The following GALNT13 variants were observed in gnomAD, a reference collection of about 807,000 sequenced individuals.
GALNT13 encodes the protein UDP-GalNAc:polypeptide N-acetylgalactosaminyltransferase 13.
A neutral mutation model predicts 64.2 loss-of-function variants in GALNT13; 28 were observed. That is an observed-to-expected ratio of 0.44 (90% confidence interval 0.32 to 0.60). The LOEUF (loss-of-function observed/expected upper bound fraction) is 0.60. GALNT13 is among the 20% of genes least tolerant of loss of function. The pLI is 0.05. For synonymous variants in GALNT13, 214 were observed against 224.6 expected (o/e 0.95, Z 0.42); for missense variants, 577 against 669.8 (o/e 0.86, Z 1.53).
intron 3 of GALNT13, among the ~76,000 whole-genome samples, chr2:154,102,208 A>G (rs1487120668): frequency 6.6e-6 from 1 of 152,140 alleles, no homozygotes; most frequent in Non-Finnish European, 1.5e-5. Context: ...TTGATTTTCT[A>G]TCTCTCTATG....
the GALNT13 span, among the ~76,000 whole-genome samples, chr2:153,239,478 G>A: frequency 6.6e-6 from 1 of 152,054 alleles, no homozygotes; most frequent in African/African-American, 2.4e-5. Flanking sequence ...GTTTCAAATG[G>A]CTTTTATTGC....
intron 3 of GALNT13, among the ~76,000 whole-genome samples, chr2:153,991,109 C>G (rs1695129389): frequency 6.6e-6 from 1 of 152,164 alleles, no homozygotes; most frequent in East Asian, 1.9e-4. Context: ...TTTCACTCAG[C>G]AAAACCTTCT....
chr2:153,649,321 CA>C, the GALNT13 span, among the ~76,000 whole-genome samples: 1 of 152,090 alleles, frequency 6.6e-6, no homozygotes, highest in Non-Finnish European at 1.5e-5. Context: ...TCCCCTTTAT[CA>C]TTTTTTATTG....
At chr2:154,022,143 AG>A (rs1027432771) in intron 3 of GALNT13, among the ~76,000 whole-genome samples, 5 of 152,144 alleles carry the variant, frequency 3.3e-5, no homozygotes, top group African/African-American at 9.7e-5. Context: ...ATGTTCATCA[AG>A]GATATTGGTC....
At chr2:153,236,923 C>T in the GALNT13 span, among the ~76,000 whole-genome samples, 1 of 152,072 alleles carries the variant, frequency 6.6e-6, no homozygotes, top group Non-Finnish European at 1.5e-5. Context: ...ATTAACCATT[C>T]TAGGTGCCAT....
At chr2:153,776,698 A>G in the GALNT13 span, among the ~76,000 whole-genome samples, 1 of 152,172 alleles carries the variant, frequency 6.6e-6, no homozygotes, top group Non-Finnish European at 1.5e-5. Context: ...TTAAAAAAAG[A>G]CTGTCACCTT....
chr2:153,714,519 T>C, the GALNT13 span, among the ~76,000 whole-genome samples: 1 of 152,192 alleles, frequency 6.6e-6, no homozygotes, highest in African/African-American at 2.4e-5. Context: ...CTCACTATTC[T>C]AAATTAAATG....
chr2:153,086,473 T>G, the GALNT13 span, among the ~76,000 whole-genome samples: 1 of 149,138 alleles, frequency 6.7e-6, no homozygotes, highest in Admixed American at 6.6e-5. Context: ...ACTGTTCTCA[T>G]GGTGGTGAAT....
the GALNT13 span, among the ~76,000 whole-genome samples, chr2:153,345,710 T>TGTCCGTC: frequency 3.2e-5 from 3 of 94,526 alleles, no homozygotes; most frequent in Non-Finnish European, 7.3e-5. Flanking sequence ...TTTCTCTTTC[T>TGTCCGTC]CTCTTTCTGT....
chr2:153,849,329 C>T, the GALNT13 span, among the ~76,000 whole-genome samples: 2 of 152,024 alleles, frequency 1.3e-5, no homozygotes, highest in East Asian at 1.9e-4. Flanking sequence ...CCTAGTTTTC[C>T]CTTAGAGAAT....
chr2:154,103,258 T>G (rs1702440902), intron 3 of GALNT13, among the ~76,000 whole-genome samples: 4 of 152,196 alleles, frequency 2.6e-5, no homozygotes, highest in Admixed American at 2.6e-4. Context: ...AGTTCTTAAA[T>G]TATTTCTTCT....
At chr2:154,199,438 C>A (rs1687054303) in intron 4 of GALNT13, among the ~76,000 whole-genome samples, 1 of 152,042 alleles carries the variant, frequency 6.6e-6, no homozygotes, top group Non-Finnish European at 1.5e-5. Flanking sequence ...TGTATATAAT[C>A]AAACAGAGCA....
At chr2:153,412,036 C>G in the GALNT13 span, among the ~76,000 whole-genome samples, 1 of 152,160 alleles carries the variant, frequency 6.6e-6, no homozygotes, top group Non-Finnish European at 1.5e-5. Flanking sequence ...TGAGGCTGGC[C>G]TAGCCTCCCA....
intron 8 of GALNT13, among the ~76,000 whole-genome samples, chr2:154,275,539 A>ATTGAGG (rs1204357876): frequency 6.6e-6 from 1 of 152,162 alleles, no homozygotes; most frequent in Non-Finnish European, 1.5e-5. Context: ...GAAGTCAAGA[A>ATTGAGG]TTGAGGTTGG....
intron 8 of GALNT13, among the ~76,000 whole-genome samples, chr2:154,298,076 A>G (rs1324332963): frequency 3.3e-5 from 5 of 152,058 alleles, no homozygotes; most frequent in Non-Finnish European, 7.4e-5. Context: ...TGCAGGTCCT[A>G]TGTAAATTAA....
At chr2:153,839,021 T>C in the GALNT13 span, among the ~76,000 whole-genome samples, 1 of 151,978 alleles carries the variant, frequency 6.6e-6, no homozygotes, top group Non-Finnish European at 1.5e-5. Flanking sequence ...ATAAGTATTT[T>C]ATTCATTTTG....
At chr2:153,477,798 A>AC in the GALNT13 span, 1 of 164,122 alleles carries the variant, frequency 6.1e-6, no homozygotes, top group Non-Finnish European at 1.3e-5. Flanking sequence ...GATTTGTGAG[A>AC]CCCCATGAGT....
the GALNT13 span, among the ~76,000 whole-genome samples, chr2:153,550,172 A>G: frequency 6.6e-6 from 1 of 152,126 alleles, no homozygotes; most frequent in African/African-American, 2.4e-5. Flanking sequence ...TTATTCTATT[A>G]TCTGTGTTAT....
At chr2:153,458,362 A>G in the GALNT13 span, among the ~76,000 whole-genome samples, 1 of 152,116 alleles carries the variant, frequency 6.6e-6, no homozygotes, top group Non-Finnish European at 1.5e-5. Context: ...TTCTCTTTTC[A>G]TTCGAGCTTC....
Sources: allele counts gnomAD v4.1 joint callset (sites outside exome capture counted in the v4.1 genomes callset), GRCh38; gene constraint gnomAD v4.1.1; transcripts MANE v1.5; gene names NCBI Gene and HGNC (gene_info 2026-07-23, HGNC 2026-07-21).